Variants in RIMS1 observed in about 807,000 individuals in gnomAD.
RIMS1 encodes regulating synaptic membrane exocytosis 1.
In RIMS1, 83 loss-of-function variants were observed where a neutral mutation model predicts 214.1. The observed-to-expected ratio is 0.39, with a 90% CI of 0.32 to 0.47. The LOEUF (loss-of-function observed/expected upper bound fraction) is 0.47. Ranked by LOEUF, RIMS1 falls within the 20% of genes least tolerant of loss-of-function variation. The probability of loss-of-function intolerance (pLI) is 0.99; values close to 1 mark genes in which losing one functional copy is unlikely to be tolerated. For missense variants in RIMS1, 2,050 were observed against 2,161.8 expected, an observed-to-expected ratio of 0.95 and a Z score of 1.03; for synonymous variants, 793 against 786.8, an observed-to-expected ratio of 1.01 and a Z score of -0.13.
chr6:71,962,202 T>C (rs74631140), intron 1 of RIMS1, among the ~76,000 whole-genome samples: 1,841 of 152,290 alleles, frequency 0.012, 10 homozygotes, highest in Non-Finnish European at 0.018. Context: ...TATTTTCTTT[T>C]CTTATCAGTC....
intron 29 of RIMS1, among the ~76,000 whole-genome samples, chr6:72,367,903 T>C (rs1022565908): frequency 3.3e-5 from 5 of 152,214 alleles, no homozygotes; most frequent in South Asian, 2.1e-4. Context: ...TATATATTTT[T>C]TTATATTCTG....
chr6:72,147,229 A>G (rs1020597594), intron 4 of RIMS1, among the ~76,000 whole-genome samples: 1 of 152,182 alleles, frequency 6.6e-6, no homozygotes, highest in African/African-American at 2.4e-5. Flanking sequence ...CTATGCATTT[A>G]TTTTTCTTTA....
At chr6:71,968,192 T>G (rs1050654774) in intron 1 of RIMS1, among the ~76,000 whole-genome samples, 4 of 152,226 alleles carry the variant, frequency 2.6e-5, no homozygotes, top group Admixed American at 2.6e-4. Flanking sequence ...GGGCCATCCA[T>G]GTTCATCCTC....
chr6:72,013,265 A>G (rs917825510), intron 2 of RIMS1, among the ~76,000 whole-genome samples: 3 of 152,140 alleles, frequency 2.0e-5, no homozygotes, highest in African/African-American at 7.2e-5. Context: ...GTCTTTGCCC[A>G]TGAAAAAAAC....
intron 22 of RIMS1, among the ~76,000 whole-genome samples, chr6:72,270,377 A>T (rs1280114186): frequency 5.3e-5 from 8 of 152,228 alleles, no homozygotes. Context: ...TTTTAATGTT[A>T]TAATTTCTAA....
intron 29 of RIMS1, chr6:72,366,606 T>G: frequency 1.3e-6 from 1 of 765,354 alleles, no homozygotes. Context: ...GGTCTTACAA[T>G]AAGCTATAGG....
At chr6:71,981,329 C>T (rs1798427346) in intron 2 of RIMS1, among the ~76,000 whole-genome samples, 1 of 152,008 alleles carries the variant, frequency 6.6e-6, no homozygotes, top group Non-Finnish European at 1.5e-5. Context: ...GTTCATTTAC[C>T]CACTAATAAT....
intron 1 of RIMS1, among the ~76,000 whole-genome samples, chr6:71,912,177 G>A (rs972302449): frequency 6.6e-6 from 1 of 152,104 alleles, no homozygotes; most frequent in African/African-American, 2.4e-5. Flanking sequence ...ACTTAACCCT[G>A]CCTCTTCTGT....
intron 4 of RIMS1, among the ~76,000 whole-genome samples, chr6:72,153,687 A>G (rs2153907556): frequency 6.6e-6 from 1 of 152,300 alleles, no homozygotes; most frequent in Non-Finnish European, 1.5e-5. Context: ...GCTAAGGGAT[A>G]ATATTCCAGA....
chr6:72,070,742 T>C (rs1386582539), intron 2 of RIMS1, among the ~76,000 whole-genome samples: 3 of 152,202 alleles, frequency 2.0e-5, no homozygotes, highest in Non-Finnish European at 4.4e-5. Flanking sequence ...TCAATTTTAT[T>C]GCTAAGCCCT....
At chr6:72,091,751 T>C (rs960650027) in intron 2 of RIMS1, among the ~76,000 whole-genome samples, 2 of 152,188 alleles carry the variant, frequency 1.3e-5, no homozygotes, top group African/African-American at 4.8e-5. Flanking sequence ...TATCAATGCT[T>C]TTCTTTTGAT....
At chr6:72,036,339 A>C (rs774886778) in intron 2 of RIMS1, among the ~76,000 whole-genome samples, 3 of 152,226 alleles carry the variant, frequency 2.0e-5, no homozygotes, top group Non-Finnish European at 4.4e-5. Flanking sequence ...TGTCGGGAAT[A>C]TCTACTCTGG....
intron 29 of RIMS1, among the ~76,000 whole-genome samples, chr6:72,356,575 A>G (rs2097651775): frequency 6.6e-6 from 1 of 150,778 alleles, no homozygotes; most frequent in Admixed American, 6.6e-5. Flanking sequence ...TCTGGCTAAC[A>G]TGATGAAACC....
chr6:72,271,286 A>AAATATATAT (rs1417580438), intron 22 of RIMS1, among the ~76,000 whole-genome samples: 20 of 44,390 alleles, frequency 4.5e-4, no homozygotes, highest in South Asian at 8.8e-4. Flanking sequence ...AAAAAAAAAA[A>AAATATATAT]ATATATATAT....
At chr6:71,890,599 T>C (rs1201822352) in intron 1 of RIMS1, among the ~76,000 whole-genome samples, 1 of 63,228 alleles carries the variant, frequency 1.6e-5, no homozygotes, top group African/African-American at 6.9e-5. Context: ...AAAAAAAAAC[T>C]TCATAGAGAA....
intron 6 of RIMS1, among the ~76,000 whole-genome samples, chr6:72,194,351 A>G (rs2050535350): frequency 6.6e-6 from 1 of 152,162 alleles, no homozygotes; most frequent in Non-Finnish European, 1.5e-5. Flanking sequence ...CATTTAACAC[A>G]GTACCTGGCA....
chr6:71,993,051 C>A (rs1053699503), intron 2 of RIMS1, among the ~76,000 whole-genome samples: 1 of 152,134 alleles, frequency 6.6e-6, no homozygotes, highest in Non-Finnish European at 1.5e-5. Flanking sequence ...CAATCAGGTT[C>A]TTTTTATCTA....
chr6:71,905,327 A>G (rs1774949211), intron 1 of RIMS1, among the ~76,000 whole-genome samples: 1 of 152,136 alleles, frequency 6.6e-6, no homozygotes, highest in Non-Finnish European at 1.5e-5. Flanking sequence ...GCATGATACA[A>G]CTTTCTCACT....
At chr6:71,967,713 T>C (rs901625247) in intron 1 of RIMS1, among the ~76,000 whole-genome samples, 2 of 152,222 alleles carry the variant, frequency 1.3e-5, no homozygotes, top group Non-Finnish European at 2.9e-5. Flanking sequence ...CACCACTTTT[T>C]AAAACTTTTA....
Sources: allele counts gnomAD v4.1 joint callset (sites outside exome capture counted in the v4.1 genomes callset), GRCh38; gene constraint gnomAD v4.1.1; transcripts MANE v1.5; gene names NCBI Gene and HGNC (gene_info 2026-07-23, HGNC 2026-07-21).